Variants in GARIN2 observed in about 807,000 individuals in gnomAD.
GARIN2 encodes the protein golgi associated RAB2 interactor family member 2.
chr14:67,226,091 G>C, the GARIN2 span, among the ~76,000 whole-genome samples: 1 of 152,236 alleles, frequency 6.6e-6, no homozygotes, highest in African/African-American at 2.4e-5. Context: ...GGGCCTTGCT[G>C]ATGGAATCAA....
chr14:67,218,780 C>T, the GARIN2 span, among the ~76,000 whole-genome samples: 35 of 151,932 alleles, frequency 2.3e-4, no homozygotes, highest in Non-Finnish European at 4.9e-4. Flanking sequence ...GTTCAGGGGT[C>T]TCTCTCATTT....
chr14:67,208,407 T>C, the GARIN2 span: 2 of 1,613,998 alleles, frequency 1.2e-6, no homozygotes, highest in South Asian at 1.1e-5. Flanking sequence ...GAAGAAAAGA[T>C]GCCTGATTTT....
At chr14:67,196,223 C>CTTTTTTTTTTTTTTTTTTTTTTTT in the GARIN2 span, among the ~76,000 whole-genome samples, 1 of 143,116 alleles carries the variant, frequency 7.0e-6, no homozygotes, top group African/African-American at 2.6e-5. Context: ...TTCTTTCTTT[C>CTTTTTTTTTTTTTTTTTTTTTTTT]TTTTTTTTTT....
chr14:67,193,036 ATATC>A, the GARIN2 span, among the ~76,000 whole-genome samples: 1 of 145,496 alleles, frequency 6.9e-6, no homozygotes, highest in East Asian at 2.1e-4. Flanking sequence ...ATCTCTATCA[ATATC>A]TAGATATAGA....
the GARIN2 span, among the ~76,000 whole-genome samples, chr14:67,209,093 C>G: frequency 2.6e-5 from 4 of 152,078 alleles, no homozygotes; most frequent in Non-Finnish European, 5.9e-5. Flanking sequence ...CATTTATTGT[C>G]CGCTGATACA....
At chr14:67,199,590 C>T in the GARIN2 span, 1 of 1,593,896 alleles carries the variant, frequency 6.3e-7, no homozygotes, top group Non-Finnish European at 8.6e-7. Flanking sequence ...GTATCTTATG[C>T]CTTCGAGAAG....
chr14:67,222,079 C>G, the GARIN2 span: 1 of 390,122 alleles, frequency 2.6e-6, no homozygotes, highest in South Asian at 5.4e-5. Flanking sequence ...TCCCAGTTCC[C>G]TGTATCTAAA....
the GARIN2 span, among the ~76,000 whole-genome samples, chr14:67,209,755 T>G: frequency 6.7e-6 from 1 of 149,308 alleles, no homozygotes; most frequent in African/African-American, 2.5e-5. Flanking sequence ...GAGACTGAGG[T>G]TGCAGTGAGC....
the GARIN2 span, chr14:67,205,055 A>ACT: frequency 2.6e-6 from 4 of 1,551,628 alleles, no homozygotes; most frequent in South Asian, 3.6e-5. Flanking sequence ...GTGTTTGAAA[A>ACT]CAATGACTTA....
At chr14:67,208,980 A>G in the GARIN2 span, among the ~76,000 whole-genome samples, 2 of 152,154 alleles carry the variant, frequency 1.3e-5, no homozygotes, top group African/African-American at 4.8e-5. Context: ...TTTATGATGT[A>G]CCATAAAAAA....
chr14:67,192,288 A>G, the GARIN2 span, among the ~76,000 whole-genome samples: 1 of 152,208 alleles, frequency 6.6e-6, no homozygotes, highest in African/African-American at 2.4e-5. Flanking sequence ...TGTCTGTGCC[A>G]TGGAGCTAGC....
chr14:67,210,779 G>A, the GARIN2 span, among the ~76,000 whole-genome samples: 5 of 152,144 alleles, frequency 3.3e-5, no homozygotes, highest in Admixed American at 6.5e-5. Context: ...TAGGGAGGCC[G>A]AGGGATGCAG....
chr14:67,223,285 C>T, the GARIN2 span, among the ~76,000 whole-genome samples: 1 of 152,060 alleles, frequency 6.6e-6, no homozygotes, highest in Non-Finnish European at 1.5e-5. Context: ...CAGGCGTGAG[C>T]CACTGCGCCT....
chr14:67,198,095 A>T, the GARIN2 span: 3 of 1,544,606 alleles, frequency 1.9e-6, no homozygotes, highest in Non-Finnish European at 2.6e-6. Context: ...TATGATATTA[A>T]ATTCTCTCTG....
At chr14:67,203,146 C>A in the GARIN2 span, 4 of 1,613,882 alleles carry the variant, frequency 2.5e-6, no homozygotes, top group South Asian at 4.4e-5. Context: ...AACTGGGTGA[C>A]CGTAGGCATC....
the GARIN2 span, among the ~76,000 whole-genome samples, chr14:67,225,958 TGTGTGCGCGC>T: frequency 3.8e-5 from 5 of 130,176 alleles, no homozygotes; most frequent in African/African-American, 1.7e-4. Flanking sequence ...TGTGTGTGTG[TGTGTGCGCGC>T]GCGCGCGTGC....
the GARIN2 span, chr14:67,199,286 A>G: frequency 6.2e-7 from 1 of 1,604,056 alleles, no homozygotes; most frequent in Non-Finnish European, 8.5e-7. Flanking sequence ...GATCATGAAC[A>G]TGATCAGACT....
At chr14:67,201,954 T>A in the GARIN2 span, among the ~76,000 whole-genome samples, 1 of 152,270 alleles carries the variant, frequency 6.6e-6, no homozygotes, top group Non-Finnish European at 1.5e-5. Flanking sequence ...TTTTTATACA[T>A]GCTGTTCCTC....
chr14:67,215,512 A>AC, the GARIN2 span, among the ~76,000 whole-genome samples: 1 of 129,684 alleles, frequency 7.7e-6, no homozygotes, highest in Non-Finnish European at 1.5e-5. Context: ...CAAAGATTAA[A>AC]AAACAACAAC....
Sources: gnomAD v4.1 joint callset for allele counts (sites outside exome capture counted in the v4.1 genomes callset) on GRCh38, gnomAD v4.1.1 for gene constraint, MANE v1.5 for transcripts, NCBI Gene and HGNC (gene_info 2026-07-23, HGNC 2026-07-21) for gene names.